Variants in GPC6 observed in about 807,000 individuals in gnomAD.
GPC6 encodes the protein glypican 6, also known as glypican-6.
A neutral mutation model predicts 55.2 loss-of-function variants in GPC6; 14 were observed. That is an observed-to-expected ratio of 0.25 (90% CI 0.17 to 0.40). The LOEUF is 0.40. Ranked by LOEUF, GPC6 falls within the 10% of genes least tolerant of loss-of-function variation. The pLI, the probability that GPC6 is intolerant of heterozygous loss-of-function variation, is 1.00. For missense variants in GPC6, 641 were observed against 708.5 expected (o/e 0.90, Z 1.08); for synonymous variants, 278 against 259.6 (o/e 1.07, Z -0.68).
intron 2 of GPC6, among the ~76,000 whole-genome samples, chr13:93,655,818 T>G (rs1428339667): frequency 6.6e-6 from 1 of 152,180 alleles, no homozygotes; most frequent in Non-Finnish European, 1.5e-5. Context: ...TTTCCTAAAT[T>G]AGCTTGGTTA....
chr13:93,523,769 T>C (rs1881542419), intron 1 of GPC6, among the ~76,000 whole-genome samples: 1 of 152,064 alleles, frequency 6.6e-6, no homozygotes, highest in South Asian at 2.1e-4. Flanking sequence ...CTTTTTTGCT[T>C]TCTATCAGAA....
At chr13:93,340,917 C>T (rs1361806409) in intron 1 of GPC6, among the ~76,000 whole-genome samples, 2 of 152,074 alleles carry the variant, frequency 1.3e-5, no homozygotes, top group African/African-American at 4.8e-5. Flanking sequence ...CCGATATATA[C>T]TCTTTTATCT....
At chr13:94,306,629 C>T (rs960653480) in intron 6 of GPC6, among the ~76,000 whole-genome samples, 1 of 151,900 alleles carries the variant, frequency 6.6e-6, no homozygotes, top group Non-Finnish European at 1.5e-5. Context: ...AAGTTGGAAT[C>T]CTTAGAATTA....
At position 93,231,397 on chromosome 13, in the gene GPC6, GTATATATATATATA is replaced by G. The variant is rs71123471; in HGVS notation, c.160+3794_160+3807del. 3.5e-4 allele frequency among the ~76,000 whole-genome samples: 16 copies of G among 45,850 alleles called. 1 individual carries two copies. In the South Asian group the frequency reaches 7.5e-3, roughly 21 times the overall value. 30.1% of individuals were successfully genotyped at this position (45,850 alleles called of 152,430 possible). A position where few individuals can be genotyped will look rare whatever the true frequency, so the allele number is the denominator to read the frequency against. On this transcript the variant is annotated intron_variant, in intron 1 of 8. Coordinates refer to ENST00000377047, the MANE Select transcript of GPC6 (RefSeq NM_005708.5). The stretch of plus-strand genomic sequence containing the variant: ...TATATATACATATATATATATATAT[GTATATATATATATA>G]TATATATATATACGTATATATATAT...
At chr13:93,633,899 A>T (rs1282074687) in intron 2 of GPC6, among the ~76,000 whole-genome samples, 1 of 152,078 alleles carries the variant, frequency 6.6e-6, no homozygotes, top group Non-Finnish European at 1.5e-5. Flanking sequence ...AGGAGTTAGG[A>T]CCTTACAGTT....
intron 3 of GPC6, among the ~76,000 whole-genome samples, chr13:93,941,194 A>G (rs922554125): frequency 6.6e-6 from 1 of 152,088 alleles, no homozygotes; most frequent in Non-Finnish European, 1.5e-5. Flanking sequence ...AATAAAAAAA[A>G]CCCTTGAGCA....
At chr13:94,153,036 C>A (rs1413618911) in intron 4 of GPC6, among the ~76,000 whole-genome samples, 2 of 151,792 alleles carry the variant, frequency 1.3e-5, no homozygotes, top group Non-Finnish European at 1.5e-5. Flanking sequence ...TTCTATGGGA[C>A]CCTATGTAAT....
intron 2 of GPC6, among the ~76,000 whole-genome samples, chr13:93,645,610 T>C (rs552500296): frequency 1.3e-5 from 2 of 152,308 alleles, no homozygotes; most frequent in Non-Finnish European, 2.9e-5. Flanking sequence ...TTGTTCTGCC[T>C]TGTTTTTGAA....
chr13:93,762,315 T>C (rs1884981097), intron 2 of GPC6, among the ~76,000 whole-genome samples: 1 of 152,190 alleles, frequency 6.6e-6, no homozygotes, highest in South Asian at 2.1e-4. Flanking sequence ...TCCTACAGCC[T>C]CCAAAACCAG....
intron 2 of GPC6, among the ~76,000 whole-genome samples, chr13:93,649,710 G>C (rs1594341436): frequency 1.3e-5 from 2 of 152,266 alleles, no homozygotes; most frequent in East Asian, 3.9e-4. Flanking sequence ...TTAGGATGCA[G>C]ATAAAGTACC....
chr13:93,388,890 T>C (rs973339501), intron 1 of GPC6, among the ~76,000 whole-genome samples: 1 of 152,134 alleles, frequency 6.6e-6, no homozygotes, highest in Non-Finnish European at 1.5e-5. Flanking sequence ...GACTTATGAG[T>C]GTGTGAGTGA....
intron 2 of GPC6, among the ~76,000 whole-genome samples, chr13:93,574,506 T>C (rs1876565167): frequency 6.6e-6 from 1 of 152,174 alleles, no homozygotes; most frequent in Admixed American, 6.5e-5. Flanking sequence ...CCTCCTGAAC[T>C]GTGAGGCAAT....
chr13:93,374,146 C>T (rs895089745), intron 1 of GPC6, among the ~76,000 whole-genome samples: 1 of 152,136 alleles, frequency 6.6e-6, no homozygotes, highest in Non-Finnish European at 1.5e-5. Flanking sequence ...TGAAATCAAT[C>T]TTTAAAGTTT....
At position 94,367,696 on chromosome 13, in the gene GPC6, A is replaced by G. The variant is rs139250967; in HGVS notation, c.1153-14718A>G. On this transcript the variant is annotated intron_variant, in intron 6 of 8. Transcript: ENST00000377047. ...CCTAAAACCAGACAGGATTATTCAG[A>G]CTGAACTTTTCAACACATTCTCAAT... Among the ~76,000 whole-genome samples the G allele has an allele frequency of 2.3e-4, 35 of 152,316 alleles. 1 individual carries two copies. In the East Asian group the frequency reaches 6.6e-3, roughly 29 times the overall value.
At chr13:94,301,365 C>T (rs908927943) in intron 5 of GPC6, among the ~76,000 whole-genome samples, 10 of 151,596 alleles carry the variant, frequency 6.6e-5, no homozygotes, top group African/African-American at 2.4e-4. Context: ...CCATTGCACT[C>T]CAGTCTGGGC....
chr13:93,246,799 A>C (rs903329702), intron 1 of GPC6, among the ~76,000 whole-genome samples: 3 of 130,290 alleles, frequency 2.3e-5, no homozygotes, highest in African/African-American at 8.4e-5. Flanking sequence ...CAAAAAAAAA[A>C]AAAAAAAAAA....
chr13:93,396,659 T>G (rs1210070953), intron 1 of GPC6, among the ~76,000 whole-genome samples: 1 of 152,102 alleles, frequency 6.6e-6, no homozygotes. Context: ...TGTGATTTAC[T>G]AGTTTAAGGA....
chr13:93,349,233 T>A (rs572433134), intron 1 of GPC6, among the ~76,000 whole-genome samples: 1 of 150,226 alleles, frequency 6.7e-6, no homozygotes, highest in Admixed American at 6.7e-5. Context: ...AGTTTGTTGA[T>A]CTTTGTAGTC....
chr13:93,397,561 T>C (rs1875906985), intron 1 of GPC6, among the ~76,000 whole-genome samples: 2 of 152,208 alleles, frequency 1.3e-5, no homozygotes, highest in Non-Finnish European at 2.9e-5. Flanking sequence ...TTGCCTTATA[T>C]TTTGTACTTG....
Sources: gnomAD v4.1 joint callset for allele counts (sites outside exome capture counted in the v4.1 genomes callset) on GRCh38, gnomAD v4.1.1 for gene constraint, MANE v1.5 for transcripts, NCBI Gene and HGNC (gene_info 2026-07-23, HGNC 2026-07-21) for gene names.